Variants in LRRC4C observed in about 807,000 individuals in gnomAD.
The protein encoded by LRRC4C is leucine rich repeat containing 4C.
In LRRC4C, 5 loss-of-function variants were observed where a neutral mutation model predicts 33.6. The observed-to-expected ratio is 0.15, with a 90% CI of 0.08 to 0.31. LRRC4C has a LOEUF of 0.31. Among genes scored for constraint, LRRC4C ranks in the 10% least tolerant of loss-of-function variants. The pLI is 1.00. For synonymous variants in LRRC4C, 329 were observed against 302.0 expected (o/e 1.09, Z -0.93); for missense variants, 560 against 796.7 (o/e 0.70, Z 3.58).
At chr11:40,352,094 CCTTTTTTCCTTT>C in intron 3 of LRRC4C, among the ~76,000 whole-genome samples, 1 of 148,858 alleles carries the variant, frequency 6.7e-6, no homozygotes, top group East Asian at 2.0e-4. Flanking sequence ...TTCCTTCCTT[CCTTTTTTCCTTT>C]CTTTCTTCCT....
intron 3 of LRRC4C, among the ~76,000 whole-genome samples, chr11:40,443,803 C>T (rs1951503217): frequency 6.6e-6 from 1 of 152,156 alleles, no homozygotes; most frequent in Non-Finnish European, 1.5e-5. Context: ...TAATGTTTTA[C>T]TAATCATCTT....
Position 40,713,012 on chromosome 11 carries a change from C to T in LRRC4C, c.-406-64734G>A, listed in dbSNP as rs183817817. Among the ~76,000 whole-genome samples, 19 of 151,348 alleles carry T rather than the reference C, an allele frequency of 1.3e-4. No individual in the cohort carries two copies. In the East Asian group the frequency reaches 1.8e-3, roughly 14 times the overall value. On this transcript the variant is annotated intron_variant, in intron 2 of 6. Coordinates refer to ENST00000528697, the MANE Select transcript of LRRC4C (RefSeq NM_001258419.2). Reference sequence around the variant, plus strand: ...CAAATGATTCTCCTGCCTCAGTCTCCGGAGTAGCTGGGACTGCAGGCACAT... The same window carrying T: ...CAAATGATTCTCCTGCCTCAGTCTCTGGAGTAGCTGGGACTGCAGGCACAT...
At chr11:41,225,493 G>A (rs1392004296) in intron 1 of LRRC4C, among the ~76,000 whole-genome samples, 1 of 152,094 alleles carries the variant, frequency 6.6e-6, no homozygotes, top group East Asian at 1.9e-4. Context: ...GAGTTTTATT[G>A]AGTCTCCATA....
chr11:41,218,530 A>G (rs958236924), intron 1 of LRRC4C, among the ~76,000 whole-genome samples: 1 of 152,196 alleles, frequency 6.6e-6, no homozygotes, highest in Admixed American at 6.5e-5. Context: ...AATTTTATAT[A>G]TTAATGTAGA....
intron 1 of LRRC4C, among the ~76,000 whole-genome samples, chr11:41,143,958 T>C (rs1028541504): frequency 2.0e-5 from 3 of 152,194 alleles, no homozygotes; most frequent in Non-Finnish European, 4.4e-5. Flanking sequence ...AAACCTGTTT[T>C]GAGTTCAAAG....
At chr11:40,821,044 A>G (rs1037483688) in intron 2 of LRRC4C, among the ~76,000 whole-genome samples, 2 of 151,762 alleles carry the variant, frequency 1.3e-5, no homozygotes, top group African/African-American at 4.8e-5. Context: ...AGAGAAAACA[A>G]TATTACTCAC....
intron 1 of LRRC4C, among the ~76,000 whole-genome samples, chr11:41,215,636 G>A (rs1422543264): frequency 6.6e-6 from 1 of 151,714 alleles, no homozygotes; most frequent in Non-Finnish European, 1.5e-5. Flanking sequence ...ATAATAATAT[G>A]TAGCCTTTTG....
chr11:40,164,286 T>C (rs1221688507), intron 5 of LRRC4C, among the ~76,000 whole-genome samples: 4 of 152,178 alleles, frequency 2.6e-5, no homozygotes, highest in Non-Finnish European at 5.9e-5. Context: ...AATGGAATAT[T>C]ATCCAGCCAT....
intron 2 of LRRC4C, among the ~76,000 whole-genome samples, chr11:40,850,360 T>G (rs1953419940): frequency 6.6e-6 from 1 of 152,184 alleles, no homozygotes; most frequent in South Asian, 2.1e-4. Context: ...TGTTGATTTC[T>G]GTTTGTTAGT....
chr11:40,796,712 C>A (rs553984044), intron 2 of LRRC4C, among the ~76,000 whole-genome samples: 5 of 143,648 alleles, frequency 3.5e-5, no homozygotes, highest in Admixed American at 7.1e-5. Flanking sequence ...AATGGTGCGA[C>A]CTTGGCTCAC....
chr11:40,585,278 C>G (rs1037477819), intron 3 of LRRC4C, among the ~76,000 whole-genome samples: 4 of 152,078 alleles, frequency 2.6e-5, no homozygotes. Flanking sequence ...CTCTGCCCAC[C>G]CTACATCACT....
chr11:40,258,371 G>T (rs976295900), intron 4 of LRRC4C, among the ~76,000 whole-genome samples: 6 of 152,150 alleles, frequency 3.9e-5, no homozygotes, highest in Non-Finnish European at 8.8e-5. Flanking sequence ...AATTTTCTCA[G>T]TATGTATTTG....
intron 3 of LRRC4C, among the ~76,000 whole-genome samples, chr11:40,389,434 G>A (rs180855355): frequency 9.9e-5 from 15 of 151,184 alleles, no homozygotes; most frequent in African/African-American, 1.9e-4. Context: ...CTTTTGTTAC[G>A]TATCCAATGC....
At chr11:41,386,809 G>T (rs1953378934) in intron 1 of LRRC4C, among the ~76,000 whole-genome samples, 1 of 151,686 alleles carries the variant, frequency 6.6e-6, no homozygotes. Flanking sequence ...TCATGGTGCT[G>T]ACAAAGTTTG....
chr11:40,534,536 C>T, intron 3 of LRRC4C, among the ~76,000 whole-genome samples: 1 of 152,082 alleles, frequency 6.6e-6, no homozygotes, highest in African/African-American at 2.4e-5. Context: ...AAGTAGTTAA[C>T]TCCTAGGATA....
chr11:41,065,400 A>G lies in LRRC4C; in HGVS notation c.-495-131677T>C, dbSNP rs1938153460. 2.6e-5 allele frequency among the ~76,000 whole-genome samples: 4 copies of G among 152,272 alleles called. No individual in the cohort carries two copies. In the South Asian group the frequency reaches 8.3e-4, roughly 32 times the overall value. ...TGCAGGAAATCCAGCAGCTCCAGTCAGGGGCTTACAGAAAGAACTCTCAAC... is the reference window on the plus strand; with the variant it reads ...TGCAGGAAATCCAGCAGCTCCAGTCGGGGGCTTACAGAAAGAACTCTCAAC... On this transcript the variant is annotated intron_variant, in intron 1 of 6. Transcript: ENST00000528697.
rs562482307 is a variant in LRRC4C, at chr11:41,374,827, G to A, written c.-496+84604C>T. ...ATATTTGCGGTAAAAATGTATATAT[G>A]TAACCTTAAAATATTATAGGAAAAT... On this transcript the variant is annotated intron_variant, in intron 1 of 6. Coordinates refer to ENST00000528697, the MANE Select transcript of LRRC4C (RefSeq NM_001258419.2). 4.6e-5 allele frequency among the ~76,000 whole-genome samples: 7 copies of A among 152,202 alleles called. No individual in the cohort carries two copies. In the South Asian group the frequency reaches 6.2e-4, roughly 14 times the overall value.
At chr11:40,541,720 A>C (rs1453425167) in intron 3 of LRRC4C, among the ~76,000 whole-genome samples, 2 of 152,126 alleles carry the variant, frequency 1.3e-5, no homozygotes, top group African/African-American at 4.8e-5. Flanking sequence ...TATTTCCTAA[A>C]TGATAGACCA....
intron 3 of LRRC4C, among the ~76,000 whole-genome samples, chr11:40,468,822 T>C (rs1952782140): frequency 6.6e-6 from 1 of 152,180 alleles, no homozygotes; most frequent in East Asian, 1.9e-4. Context: ...CTTTCAGTTG[T>C]TTGTTAGAGG....
Sources: gnomAD v4.1 joint callset for allele counts (sites outside exome capture counted in the v4.1 genomes callset) on GRCh38, gnomAD v4.1.1 for gene constraint, MANE v1.5 for transcripts, NCBI Gene and HGNC (gene_info 2026-07-23, HGNC 2026-07-21) for gene names.